Variants in MGAT4C observed in about 807,000 individuals in gnomAD.
The protein encoded by MGAT4C is MGAT4 family member C.
In MGAT4C, 19 loss-of-function variants were observed where a neutral mutation model predicts 40.1. That is an observed-to-expected ratio of 0.47 (90% CI 0.33 to 0.70). MGAT4C has a LOEUF of 0.70. Ranked by LOEUF, MGAT4C falls within the 30% of genes least tolerant of loss-of-function variation. The pLI is 0.02. For synonymous variants in MGAT4C, 181 were observed against 187.1 expected (o/e 0.97, Z 0.27); for missense variants, 491 against 563.2 (o/e 0.87, Z 1.30).
chr12:86,563,808 G>C (rs1341129605), intron 2 of MGAT4C, among the ~76,000 whole-genome samples: 1 of 152,152 alleles, frequency 6.6e-6, no homozygotes, highest in Non-Finnish European at 1.5e-5. Context: ...GTAATTAATG[G>C]AGTTTTAGCT....
At chr12:86,028,616 C>A (rs1274418865) in intron 2 of MGAT4C, among the ~76,000 whole-genome samples, 2 of 151,888 alleles carry the variant, frequency 1.3e-5, no homozygotes, top group African/African-American at 4.8e-5. Context: ...TTTGAGAACA[C>A]AGACAAAGCC....
intron 3 of MGAT4C, among the ~76,000 whole-genome samples, chr12:86,399,294 C>CT (rs1417110643): frequency 6.0e-5 from 9 of 149,950 alleles, no homozygotes; most frequent in East Asian, 2.0e-4. Flanking sequence ...TATTTCTTTT[C>CT]TTTTTTTTGA....
chr12:86,111,357 A>C (rs1005198359), intron 1 of MGAT4C, among the ~76,000 whole-genome samples: 2 of 151,830 alleles, frequency 1.3e-5, no homozygotes, highest in Non-Finnish European at 2.9e-5. Flanking sequence ...ATCATATCTC[A>C]CTATCCTGTT....
chr12:86,063,864 A>T (rs1894239087), intron 1 of MGAT4C, among the ~76,000 whole-genome samples: 1 of 152,240 alleles, frequency 6.6e-6, no homozygotes, highest in South Asian at 2.1e-4. Flanking sequence ...TTCTAAATAT[A>T]TATGCACCCG....
intron 1 of MGAT4C, among the ~76,000 whole-genome samples, chr12:86,056,999 G>A (rs1893468231): frequency 1.3e-5 from 2 of 151,878 alleles, no homozygotes; most frequent in Admixed American, 6.6e-5. Context: ...AAATATTTCT[G>A]TATTTCCTTG....
intron 1 of MGAT4C, among the ~76,000 whole-genome samples, chr12:86,130,056 G>T (rs1004799759): frequency 6.6e-6 from 1 of 152,136 alleles, no homozygotes; most frequent in Non-Finnish European, 1.5e-5. Context: ...TTTTAAACAA[G>T]TATCTATGAT....
At chr12:86,749,341 T>G (rs2136139443) in intron 1 of MGAT4C, among the ~76,000 whole-genome samples, 1 of 151,872 alleles carries the variant, frequency 6.6e-6, no homozygotes, top group African/African-American at 2.4e-5. Context: ...AATTGTATTA[T>G]ATTGCATTAA....
intron 2 of MGAT4C, among the ~76,000 whole-genome samples, chr12:86,008,855 G>T (rs1470782513): frequency 6.6e-6 from 1 of 152,002 alleles, no homozygotes; most frequent in African/African-American, 2.4e-5. Flanking sequence ...TCCATCTGTT[G>T]AATTGAGGGA....
chr12:86,712,321 C>A (rs1981947), intron 2 of MGAT4C, among the ~76,000 whole-genome samples: 118,890 of 152,032 alleles, frequency 0.78, 47,712 homozygotes, highest in Middle Eastern at 0.88. Context: ...GCATAGGGAG[C>A]AAGAAAGTGT....
chr12:86,299,202 G>A (rs1953752419), intron 4 of MGAT4C, among the ~76,000 whole-genome samples: 1 of 152,162 alleles, frequency 6.6e-6, no homozygotes, highest in South Asian at 2.1e-4. Flanking sequence ...TGCAAGCTCT[G>A]CCTCCTGGGG....
intron 1 of MGAT4C, among the ~76,000 whole-genome samples, chr12:86,085,606 T>G (rs1871665993): frequency 6.6e-6 from 1 of 151,936 alleles, no homozygotes; most frequent in South Asian, 2.1e-4. Context: ...ACAGGCAACC[T>G]ACAGAATGGG....
intron 3 of MGAT4C, among the ~76,000 whole-genome samples, chr12:86,363,974 A>T (rs12227059): frequency 0.17 from 3,874 of 22,528 alleles, 141 homozygotes; most frequent in East Asian, 0.42. Flanking sequence ...TCTCTCTCTC[A>T]CACACACACA....
chr12:86,476,068 G>A (rs1182808771), intron 2 of MGAT4C, among the ~76,000 whole-genome samples: 2 of 152,044 alleles, frequency 1.3e-5, no homozygotes, highest in Non-Finnish European at 2.9e-5. Flanking sequence ...ACGTGTGTCT[G>A]TGTGTTAACA....
chr12:86,177,965 C>T (rs1451369235), intron 1 of MGAT4C, among the ~76,000 whole-genome samples: 3 of 152,068 alleles, frequency 2.0e-5, no homozygotes, highest in Non-Finnish European at 4.4e-5. Flanking sequence ...GAGACAGAGT[C>T]TCACTCTGTC....
intron 3 of MGAT4C, among the ~76,000 whole-genome samples, chr12:86,374,013 A>G (rs1006594554): frequency 3.9e-5 from 6 of 152,098 alleles, no homozygotes; most frequent in Admixed American, 3.9e-4. Context: ...TCCTTATGAC[A>G]CAGGAAGTCC....
intron 2 of MGAT4C, among the ~76,000 whole-genome samples, chr12:86,612,153 C>G (rs966081534): frequency 2.0e-5 from 3 of 152,070 alleles, no homozygotes; most frequent in Non-Finnish European, 2.9e-5. Context: ...ACTTTATACT[C>G]TAATGATAAC....
At chr12:86,415,244 T>C (rs565699364) in intron 3 of MGAT4C, among the ~76,000 whole-genome samples, 1 of 152,152 alleles carries the variant, frequency 6.6e-6, no homozygotes, top group East Asian at 1.9e-4. Flanking sequence ...TTACAGGTGT[T>C]CTAATTGTAG....
At position 86,036,303 on chromosome 12, in the gene MGAT4C, T is replaced by C. The variant is rs141257760; in HGVS notation, c.-7+13371A>G. On this transcript the variant is annotated intron_variant, in intron 2 of 4. Transcript: ENST00000611864. The stretch of plus-strand genomic sequence containing the variant: ...CCTCTTTTCTTAATTGAATAGCCTT[T>C]ATTTATTTCTCTTTCTTGATTGCCC... Among the ~76,000 whole-genome samples, 340 of 150,140 alleles carry C rather than the reference T, an allele frequency of 2.3e-3. 7 individuals are homozygous for C. Among genetic ancestry groups the C allele is most frequent in the Middle Eastern group, 0.015 (4 of 268 alleles).
At chr12:86,478,662 T>C (rs1957882488) in intron 2 of MGAT4C, among the ~76,000 whole-genome samples, 1 of 152,136 alleles carries the variant, frequency 6.6e-6, no homozygotes, top group Non-Finnish European at 1.5e-5. Context: ...AATTCCCTGA[T>C]TAACACTGGA....
Sources: allele counts gnomAD v4.1 joint callset (sites outside exome capture counted in the v4.1 genomes callset), GRCh38; gene constraint gnomAD v4.1.1; transcripts MANE v1.5; gene names NCBI Gene and HGNC (gene_info 2026-07-23, HGNC 2026-07-21).